Variants in VDAC1 observed in about 807,000 individuals in gnomAD.
VDAC1 encodes non-selective voltage-gated ion channel VDAC1.
A neutral mutation model predicts 34.7 loss-of-function variants in VDAC1; 10 were observed. The ratio of observed to expected loss-of-function variants is 0.29; its 90% CI spans 0.18 to 0.49. The LOEUF (loss-of-function observed/expected upper bound fraction) is 0.49, where lower values mean the gene tolerates loss of function less well. VDAC1 is among the 20% of genes least tolerant of loss of function. The pLI, the probability that VDAC1 is intolerant of heterozygous loss-of-function variation, is 0.99. For missense variants in VDAC1, 230 were observed against 347.9 expected (o/e 0.66, Z 2.69); for synonymous variants, 130 against 136.0 (o/e 0.96, Z 0.30).
chr5:134,011,461 A>C, the VDAC1 span, among the ~76,000 whole-genome samples: 7 of 151,646 alleles, frequency 4.6e-5, no homozygotes, highest in African/African-American at 1.2e-4. Context: ...TCACCTCTCC[A>C]TTTTCCCTTC....
the VDAC1 span, among the ~76,000 whole-genome samples, chr5:134,055,275 T>C: frequency 6.6e-6 from 1 of 152,138 alleles, no homozygotes; most frequent in African/African-American, 2.4e-5. Flanking sequence ...GTGGTGGCTA[T>C]GGGGTGATTT....
the VDAC1 span, among the ~76,000 whole-genome samples, chr5:134,105,400 C>T: frequency 6.6e-6 from 1 of 152,154 alleles, no homozygotes; most frequent in Non-Finnish European, 1.5e-5. Context: ...ATGACCTGGG[C>T]GAGTCACTTC....
the VDAC1 span, among the ~76,000 whole-genome samples, chr5:134,075,548 C>T: frequency 6.6e-6 from 1 of 152,188 alleles, no homozygotes; most frequent in African/African-American, 2.4e-5. Flanking sequence ...TATTCACACA[C>T]TATACACGAT....
At chr5:133,981,462 A>G (rs1439935627) in intron 5 of VDAC1, among the ~76,000 whole-genome samples, 1 of 152,242 alleles carries the variant, frequency 6.6e-6, no homozygotes, top group Non-Finnish European at 1.5e-5. Context: ...AAGTGAGTAC[A>G]ACAGTAAAAT....
At chr5:134,113,602 C>T in the VDAC1 span, among the ~76,000 whole-genome samples, 1 of 152,386 alleles carries the variant, frequency 6.6e-6, no homozygotes, top group South Asian at 2.1e-4. Context: ...GCACAGAAAC[C>T]TGCTAGGGGA....
At chr5:134,043,111 G>C in the VDAC1 span, among the ~76,000 whole-genome samples, 4 of 152,216 alleles carry the variant, frequency 2.6e-5, no homozygotes, top group Admixed American at 6.5e-5. Context: ...TATGATCCTG[G>C]GGCAGGGGTG....
At chr5:134,112,861 TC>T in the VDAC1 span, among the ~76,000 whole-genome samples, 2 of 152,146 alleles carry the variant, frequency 1.3e-5, no homozygotes, top group African/African-American at 4.8e-5. Context: ...GGAGAACACT[TC>T]AGCCTCCACT....
the VDAC1 span, among the ~76,000 whole-genome samples, chr5:134,093,019 G>A: frequency 6.6e-6 from 1 of 152,214 alleles, no homozygotes; most frequent in African/African-American, 2.4e-5. Flanking sequence ...ATCCTTCCAT[G>A]GGGATAAAGG....
chr5:133,973,624 A>G (rs13360512), intron 8 of VDAC1, among the ~76,000 whole-genome samples, 167 bp downstream of exon 8: 2,344 of 152,276 alleles, frequency 0.015, 54 homozygotes, highest in African/African-American at 0.054. Flanking sequence ...AATGTTTTAT[A>G]ATGACCCCAT....
chr5:134,009,751 G>A (rs1015508139), upstream of VDAC1, among the ~76,000 whole-genome samples: 26 of 151,810 alleles, frequency 1.7e-4, no homozygotes, highest in South Asian at 1.0e-3. Flanking sequence ...GCACCATCTC[G>A]GGTCACTGCA....
intron 6 of VDAC1, among the ~76,000 whole-genome samples, chr5:133,980,341 C>T (rs926783175): frequency 1.3e-5 from 2 of 152,206 alleles, no homozygotes; most frequent in African/African-American, 2.4e-5. Context: ...ACCATGTCTA[C>T]ATGTCATCAA....
the VDAC1 span, among the ~76,000 whole-genome samples, chr5:134,038,974 A>G: frequency 6.6e-6 from 1 of 152,052 alleles, no homozygotes; most frequent in Non-Finnish European, 1.5e-5. Context: ...ATGCTAATGT[A>G]AAGGCCCAGT....
At chr5:133,975,708 C>T (rs1752451554) in intron 7 of VDAC1, among the ~76,000 whole-genome samples, 163 bp downstream of exon 7, 1 of 152,070 alleles carries the variant, frequency 6.6e-6, no homozygotes. Context: ...ATCTGCCTGC[C>T]TTGGCCTCCC....
At chr5:134,016,060 A>G in the VDAC1 span, among the ~76,000 whole-genome samples, 1 of 152,216 alleles carries the variant, frequency 6.6e-6, no homozygotes, top group Non-Finnish European at 1.5e-5. Flanking sequence ...AAGTGCTAAG[A>G]TTACAGGCAT....
In VDAC1 at chr5:133,973,808, G is replaced by A. The variant is rs776981869; in HGVS notation, c.743C>T (p.Thr248Ile). The A allele has an allele frequency of 6.2e-7, 1 of 1,612,578 alleles. No homozygotes were observed. Among genetic ancestry groups the A allele is most frequent in the Non-Finnish European group, 8.5e-7 (1 of 1,179,898 alleles). The change falls in exon 8 of 9, where the codon ACT (threonine) becomes ATT (isoleucine). Residue 248 changes from threonine to isoleucine, a missense_variant. By Grantham distance (89) the Thr-to-Ile change is moderately conservative (BLOSUM62 -1). Transcript: ENST00000265333. ...ACACATACCTGGCTTTAGAGTCTGA[G>A]TGTATCCTAAACCTATCAGGCTGGA... ...NNSSLIGLGY[T>I]QTLKPGIKLT...
chr5:134,045,087 C>T, the VDAC1 span, among the ~76,000 whole-genome samples: 1 of 152,334 alleles, frequency 6.6e-6, no homozygotes, highest in Admixed American at 6.5e-5. Context: ...AATCACATCA[C>T]GGGTCAAAAC....
At chr5:133,976,428 C>A (rs1752482562) in intron 6 of VDAC1, 1 of 168,276 alleles carries the variant, frequency 5.9e-6, no homozygotes, top group Non-Finnish European at 1.3e-5. Flanking sequence ...TCGCTTGAAC[C>A]TGGGAGGCAG....
At chr5:134,036,910 G>A in the VDAC1 span, among the ~76,000 whole-genome samples, 25,023 of 150,310 alleles carry the variant, frequency 0.17, 2,715 homozygotes, top group African/African-American at 0.29. Context: ...CCTAGATCAC[G>A]CCACTGCACT....
chr5:134,074,656 C>G, the VDAC1 span, among the ~76,000 whole-genome samples: 1 of 152,146 alleles, frequency 6.6e-6, no homozygotes. Flanking sequence ...CTCTTCTCCT[C>G]CAGGTTTAGC....
Sources: gnomAD v4.1 joint callset for allele counts (sites outside exome capture counted in the v4.1 genomes callset) on GRCh38, gnomAD v4.1.1 for gene constraint, MANE v1.5 for transcripts, NCBI Gene and HGNC (gene_info 2026-07-23, HGNC 2026-07-21) for gene names.